The following CAT variants were observed in gnomAD, a reference collection of about 807,000 sequenced individuals.
The protein encoded by CAT is catalase.
CAT carries 43 observed loss-of-function variants against 59.0 expected under a neutral mutation model. The ratio of observed to expected loss-of-function variants is 0.73; its 90% CI spans 0.57 to 0.94. The LOEUF (loss-of-function observed/expected upper bound fraction) is 0.94, where lower values mean the gene tolerates loss of function less well. CAT is among the 40% of genes least tolerant of loss of function. The pLI is 0.00. For synonymous variants in CAT, 218 were observed against 230.9 expected (o/e 0.94, Z 0.51); for missense variants, 664 against 682.9 (o/e 0.97, Z 0.31).
At chr11:34,452,254 A>G (rs764363735) in intron 4 of CAT, 47 bp downstream of exon 4, 2 of 1,586,662 alleles carry the variant, frequency 1.3e-6, no homozygotes, top group East Asian at 4.5e-5. Flanking sequence ...GTTGACTTAA[A>G]TTGATTTCAA....
In CAT at chr11:34,454,011, G is replaced by C. The variant is rs556723718; in HGVS notation, c.711+85G>C. 7.4e-5 allele frequency: 107 copies of C among 1,442,686 alleles called. No individual in the cohort carries two copies. The African/African-American group carries it at 9.8e-4, about 13-fold the overall frequency. 89.4% of individuals were successfully genotyped at this position (1,442,686 alleles called of 1,614,324 possible). A position where few individuals can be genotyped will look rare whatever the true frequency, so the allele number is the denominator to read the frequency against. ...CCTGAAGGATTGAGCAAAGATTAAG[G>C]CTTCTCCCACTTTTCCCTCACCTCC... is the stretch of plus-strand genomic sequence containing the variant. On this transcript the variant is annotated intron_variant, in intron 6 of 12. Transcript: ENST00000241052.
intron 10 of CAT, among the ~76,000 whole-genome samples, chr11:34,466,641 C>T (rs1285575738): frequency 4.6e-5 from 7 of 151,360 alleles, no homozygotes; most frequent in South Asian, 2.1e-4. Flanking sequence ...ATTAGCCGGG[C>T]GTGGTGGCGG....
At chr11:34,457,350 G>A (rs1162789458) in intron 8 of CAT, among the ~76,000 whole-genome samples, 1 of 151,432 alleles carries the variant, frequency 6.6e-6, no homozygotes, top group Non-Finnish European at 1.5e-5. Flanking sequence ...TTAGCTACAG[G>A]CGCCCGCCAC....
intron 10 of CAT, among the ~76,000 whole-genome samples, 173 bp downstream of exon 10, chr11:34,464,408 T>G (rs1488030937): frequency 6.6e-6 from 1 of 152,092 alleles, no homozygotes; most frequent in African/African-American, 2.4e-5. Flanking sequence ...AGTTGAAGGG[T>G]TATATTACTC....
intron 11 of CAT, chr11:34,470,696 AT>A: frequency 2.0e-6 from 1 of 496,682 alleles, no homozygotes; most frequent in Non-Finnish European, 3.7e-6. Flanking sequence ...ATTAGGTGTC[AT>A]TTTCTTGCGC....
chr11:34,451,145 C>A, intron 3 of CAT, 47 bp downstream of exon 3: 1 of 1,072,890 alleles, frequency 9.3e-7, no homozygotes, highest in Non-Finnish European at 1.5e-6. Flanking sequence ...CTCAACTTCA[C>A]CTTTTGGGGA....
intron 8 of CAT, 61 bp downstream of exon 8, chr11:34,456,878 A>G: frequency 6.5e-7 from 1 of 1,530,032 alleles, no homozygotes; most frequent in Non-Finnish European, 9.0e-7. Flanking sequence ...CACACACAAA[A>G]TATGCAGCTT....
At chr11:34,449,446 T>A in intron 2 of CAT, 83 bp downstream of exon 2, 1 of 1,213,862 alleles carries the variant, frequency 8.2e-7, no homozygotes, top group Non-Finnish European at 1.2e-6. Context: ...TTGGAAGACC[T>A]TTAACACAAG....
intron 10 of CAT, among the ~76,000 whole-genome samples, chr11:34,467,356 G>C (rs902331896): frequency 3.9e-5 from 6 of 152,188 alleles, no homozygotes; most frequent in Admixed American, 3.9e-4. Context: ...CCAGGATATA[G>C]TACTTTGATT....
In CAT at chr11:34,452,084, A is replaced by G; in HGVS notation, c.357A>G (p.Glu119=). 6.2e-7 allele frequency: 1 copy of G among 1,613,938 alleles called. No homozygotes were observed. Among genetic ancestry groups the G allele is most frequent in the South Asian group, 1.1e-5 (1 of 91,080 alleles). The change falls in exon 4 of 13, where the codon GAA becomes GAG. Residue 119 remains glutamate, a synonymous_variant. Coordinates refer to ENST00000241052, the MANE Select transcript of CAT (RefSeq NM_001752.4). ...TCCATTTGAATATTGTAGCTGGAGA[A>G]TCGGGTTCAGCTGACACAGTTCGGG... is the stretch of plus-strand genomic sequence containing the variant. ...IAVRFSTVAG[E]SGSADTVRDP...
chr11:34,445,755 A>C (rs573638855), intron 1 of CAT, among the ~76,000 whole-genome samples: 1 of 152,226 alleles, frequency 6.6e-6, no homozygotes, highest in Non-Finnish European at 1.5e-5. Flanking sequence ...TTCTCTCTTT[A>C]AAAATATTCT....
intron 5 of CAT, among the ~76,000 whole-genome samples, chr11:34,453,405 G>T (rs34840731): frequency 6.6e-6 from 1 of 152,294 alleles, no homozygotes; most frequent in East Asian, 1.9e-4. Context: ...TAGATAGCTA[G>T]CAACATTGTC....
chr11:34,462,633 G>T (rs942645707), intron 9 of CAT, among the ~76,000 whole-genome samples: 28 of 152,120 alleles, frequency 1.8e-4, no homozygotes, highest in African/African-American at 6.5e-4. Context: ...GGCCAGGCTG[G>T]TCCTGAACTC....
chr11:34,444,436 C>T (rs1001639343), intron 1 of CAT, among the ~76,000 whole-genome samples: 59 of 152,168 alleles, frequency 3.9e-4, no homozygotes, highest in African/African-American at 1.4e-3. Flanking sequence ...AATATCTAGA[C>T]CACCCTTATT....
chr11:34,457,077 TAA>T (rs72365439), intron 8 of CAT: 5 of 423,134 alleles, frequency 1.2e-5, no homozygotes, highest in East Asian at 4.5e-5. Flanking sequence ...CTCTCTTAAT[TAA>T]AAAAAAAAGA....
chr11:34,467,391 G>A (rs1319176758), intron 10 of CAT, among the ~76,000 whole-genome samples: 4 of 152,168 alleles, frequency 2.6e-5, no homozygotes, highest in Non-Finnish European at 5.9e-5. Flanking sequence ...GAAAATGTCT[G>A]ATTAACTTTG....
Position 34,452,097 on chromosome 11 carries a change from G to C in CAT, c.370G>C (p.Asp124His). 2 of 1,613,908 alleles carry C rather than the reference G, an allele frequency of 1.2e-6. No homozygotes were observed. Among genetic ancestry groups the C allele is most frequent in the South Asian group, 2.2e-5 (2 of 91,066 alleles). Residue 124 changes from aspartate to histidine, a missense_variant, in exon 4 of 13, where the codon GAC (aspartate) becomes CAC (histidine). By Grantham distance (81) the Asp-to-His change is moderately conservative (BLOSUM62 -1). Transcript: ENST00000241052. ...TGTAGCTGGAGAATCGGGTTCAGCTGACACAGTTCGGGACCCTCGTGGGTT... is the reference window on the plus strand; with the variant it reads ...TGTAGCTGGAGAATCGGGTTCAGCTCACACAGTTCGGGACCCTCGTGGGTT... ...STVAGESGSA[D>H]TVRDPRGFAV...
chr11:34,450,919 G>T, intron 2 of CAT, 69 bp from the exon 3 acceptor site: 3 of 982,704 alleles, frequency 3.1e-6, no homozygotes, highest in Admixed American at 1.7e-5. Flanking sequence ...TGTCACCCAG[G>T]TGCCTGTTGA....
At chr11:34,459,548 G>T (rs10836244) in intron 8 of CAT, among the ~76,000 whole-genome samples, 34,379 of 152,136 alleles carry the variant, frequency 0.23, 4,308 homozygotes, top group East Asian at 0.48. Flanking sequence ...ATTTTGCCAA[G>T]AGTTGGAGAA....
Sources: allele counts gnomAD v4.1 joint callset (sites outside exome capture counted in the v4.1 genomes callset), GRCh38; gene constraint gnomAD v4.1.1; transcripts MANE v1.5; gene names NCBI Gene and HGNC (gene_info 2026-07-23, HGNC 2026-07-21).